The following PTPRT variants were observed in gnomAD, a reference collection of about 807,000 sequenced individuals.
PTPRT encodes the protein receptor-type tyrosine-protein phosphatase T.
Under a neutral mutation model 176.8 loss-of-function variants are expected in PTPRT, and 56 were observed. The observed-to-expected ratio is 0.32, with a 90% CI of 0.26 to 0.40. PTPRT has a LOEUF of 0.40. Ranked by LOEUF, PTPRT falls within the 10% of genes least tolerant of loss-of-function variation. PTPRT has a pLI of 1.00. For synonymous variants in PTPRT, 783 were observed against 739.0 expected, an observed-to-expected ratio of 1.06 and a Z score of -0.96; for missense variants, 1,540 against 1,908.2, an observed-to-expected ratio of 0.81 and a Z score of 3.60.
intron 13 of PTPRT, among the ~76,000 whole-genome samples, chr20:42,261,029 C>A (rs1262546005): frequency 1.3e-5 from 2 of 152,126 alleles, no homozygotes; most frequent in East Asian, 3.9e-4. Context: ...CACTGCATTT[C>A]TAAGTACATT....
chr20:42,935,546 T>C (rs1293402485), intron 1 of PTPRT, among the ~76,000 whole-genome samples: 2 of 152,176 alleles, frequency 1.3e-5, no homozygotes, highest in Admixed American at 6.5e-5. Context: ...TTGAGAGCCA[T>C]GGCAAGGCCT....
chr20:42,869,341 G>A (rs1458295071), intron 2 of PTPRT, among the ~76,000 whole-genome samples: 2 of 152,100 alleles, frequency 1.3e-5, no homozygotes, highest in South Asian at 2.1e-4. Context: ...TGTGGGGCAC[G>A]CCCAGCAAAG....
intron 11 of PTPRT, among the ~76,000 whole-genome samples, chr20:42,320,843 C>A (rs900909660): frequency 1.3e-5 from 2 of 152,184 alleles, no homozygotes; most frequent in African/African-American, 4.8e-5. Flanking sequence ...GAGACATAAA[C>A]TCTAAGGCAC....
At chr20:42,172,278 A>C (rs910706995) in intron 16 of PTPRT, among the ~76,000 whole-genome samples, 6 of 152,350 alleles carry the variant, frequency 3.9e-5, no homozygotes, top group African/African-American at 7.2e-5. Context: ...CTGAAAAAAA[A>C]CAGCAAAAGC....
At chr20:42,938,097 G>T (rs1980307935) in intron 1 of PTPRT, among the ~76,000 whole-genome samples, 1 of 152,170 alleles carries the variant, frequency 6.6e-6, no homozygotes, top group South Asian at 2.1e-4. Flanking sequence ...AGATTAGAAA[G>T]ATGCTACAAG....
chr20:42,740,449 C>T (rs2076591956), intron 6 of PTPRT, among the ~76,000 whole-genome samples: 1 of 152,172 alleles, frequency 6.6e-6, no homozygotes, highest in African/African-American at 2.4e-5. Flanking sequence ...CATCCTCCTG[C>T]TCTGTGCAGC....
At chr20:42,560,994 G>A (rs980710925) in intron 7 of PTPRT, among the ~76,000 whole-genome samples, 3 of 152,140 alleles carry the variant, frequency 2.0e-5, no homozygotes, top group Non-Finnish European at 2.9e-5. Context: ...TCCTCCTGGG[G>A]AACAGAAGGT....
chr20:42,406,800 C>T (rs1444558512), intron 9 of PTPRT, among the ~76,000 whole-genome samples: 2 of 152,170 alleles, frequency 1.3e-5, no homozygotes, highest in Non-Finnish European at 2.9e-5. Context: ...AAGGATTATT[C>T]TAAGCATGGC....
intron 2 of PTPRT, among the ~76,000 whole-genome samples, chr20:42,853,455 A>C (rs1219856306): frequency 6.6e-6 from 1 of 152,154 alleles, no homozygotes; most frequent in Non-Finnish European, 1.5e-5. Context: ...TCTCAGTCTG[A>C]GGCCAAAGTC....
At chr20:42,593,711 G>A (rs941969464) in intron 7 of PTPRT, among the ~76,000 whole-genome samples, 9 of 152,192 alleles carry the variant, frequency 5.9e-5, no homozygotes. Flanking sequence ...CACAATGGCA[G>A]TCCCGATTGC....
At chr20:42,351,204 C>T (rs1260362169) in intron 10 of PTPRT, among the ~76,000 whole-genome samples, 1 of 151,852 alleles carries the variant, frequency 6.6e-6, no homozygotes, top group Non-Finnish European at 1.5e-5. Flanking sequence ...GGTAATTTAG[C>T]CATTTGTAGT....
chr20:42,608,936 C>G (rs923578166), intron 7 of PTPRT, among the ~76,000 whole-genome samples: 11 of 152,178 alleles, frequency 7.2e-5, no homozygotes, highest in African/African-American at 2.6e-4. Context: ...GGAAGAGTGT[C>G]AAAGATTTGG....
At chr20:42,270,363 T>TGCCCCAC in intron 13 of PTPRT, 2 of 1,332,712 alleles carry the variant, frequency 1.5e-6, no homozygotes, top group Non-Finnish European at 2.1e-6. Context: ...TGGGCAACTC[T>TGCCCCAC]CCCCTCCCAC....
chr20:42,059,545 A>G, the PTPRT span, among the ~76,000 whole-genome samples: 1 of 152,190 alleles, frequency 6.6e-6, no homozygotes, highest in Admixed American at 6.5e-5. Flanking sequence ...TTTGACCTAT[A>G]AAAAAGGCAG....
chr20:42,340,421 T>C (rs1419027771), intron 11 of PTPRT, among the ~76,000 whole-genome samples: 1 of 152,182 alleles, frequency 6.6e-6, no homozygotes, highest in Non-Finnish European at 1.5e-5. Context: ...GGGTGAATTG[T>C]ATTCTGAGAG....
chr20:42,436,596 A>G (rs1419623559), intron 9 of PTPRT, among the ~76,000 whole-genome samples: 1 of 152,240 alleles, frequency 6.6e-6, no homozygotes, highest in Non-Finnish European at 1.5e-5. Context: ...AGTGTAAATT[A>G]GTGCAACCAG....
At chr20:43,020,595 C>T (rs930035245) in intron 1 of PTPRT, among the ~76,000 whole-genome samples, 11 of 152,164 alleles carry the variant, frequency 7.2e-5, no homozygotes, top group Admixed American at 2.0e-4. Flanking sequence ...GCACCCTTTC[C>T]ACCCCAACCC....
At chr20:42,604,422 G>A (rs950926582) in intron 7 of PTPRT, among the ~76,000 whole-genome samples, 14 of 152,174 alleles carry the variant, frequency 9.2e-5, no homozygotes, top group African/African-American at 3.1e-4. Flanking sequence ...GGATCCCCAG[G>A]AGCTCATGAA....
At chr20:42,611,940 C>T (rs940819155) in intron 7 of PTPRT, among the ~76,000 whole-genome samples, 3 of 152,170 alleles carry the variant, frequency 2.0e-5, no homozygotes, top group Non-Finnish European at 4.4e-5. Context: ...CATCAGACTT[C>T]CAGGAAATCT....
Sources: gnomAD v4.1 joint callset for allele counts (sites outside exome capture counted in the v4.1 genomes callset) on GRCh38, gnomAD v4.1.1 for gene constraint, MANE v1.5 for transcripts, NCBI Gene and HGNC (gene_info 2026-07-23, HGNC 2026-07-21) for gene names.